Variants in DYNC1I1 observed in about 807,000 individuals in gnomAD.
The protein encoded by DYNC1I1 is dynein cytoplasmic 1 intermediate chain 1.
DYNC1I1 carries 43 observed loss-of-function variants against 86.6 expected under a neutral mutation model. That is an observed-to-expected ratio of 0.50 (90% confidence interval 0.39 to 0.64). DYNC1I1 has a LOEUF of 0.64. Among genes scored for constraint, DYNC1I1 ranks in the 30% least tolerant of loss-of-function variants. The pLI is 0.00. For synonymous variants in DYNC1I1, 262 were observed against 283.7 expected (o/e 0.92, Z 0.77); for missense variants, 604 against 788.8 (o/e 0.77, Z 2.81).
At chr7:95,862,929 T>C (rs1789925922) in intron 5 of DYNC1I1, among the ~76,000 whole-genome samples, 1 of 152,222 alleles carries the variant, frequency 6.6e-6, no homozygotes, top group Admixed American at 6.5e-5. Flanking sequence ...AATGTAAATG[T>C]TACATAAATT....
intron 4 of DYNC1I1, among the ~76,000 whole-genome samples, chr7:95,827,570 T>C (rs1795228199): frequency 6.6e-6 from 1 of 152,184 alleles, no homozygotes; most frequent in East Asian, 1.9e-4. Context: ...ATGCATTATA[T>C]TTGTAGTACC....
chr7:95,873,887 G>A (rs549606045), intron 6 of DYNC1I1, among the ~76,000 whole-genome samples: 2 of 152,324 alleles, frequency 1.3e-5, no homozygotes, highest in African/African-American at 4.8e-5. Flanking sequence ...TAAGTCACCT[G>A]GTGACACTAG....
chr7:96,066,135 T>C (rs1222530352), intron 14 of DYNC1I1, among the ~76,000 whole-genome samples: 1 of 152,216 alleles, frequency 6.6e-6, no homozygotes, highest in Non-Finnish European at 1.5e-5. Context: ...TCCTCAGAGT[T>C]CACTCAGGCT....
intron 6 of DYNC1I1, among the ~76,000 whole-genome samples, chr7:95,880,224 A>G (rs370742044): frequency 2.6e-5 from 4 of 152,140 alleles, no homozygotes; most frequent in African/African-American, 7.2e-5. Flanking sequence ...GTCCTCCCAC[A>G]TGGTAAGAGA....
Position 95,804,766 on chromosome 7 carries a change from C to A in DYNC1I1, c.37C>A (p.Arg13Ser). Residue 13 changes from arginine (R) to serine (S), a missense_variant, in exon 2 of 17, where the codon CGC becomes AGC. Coordinates refer to ENST00000447467, the MANE Select transcript of DYNC1I1 (RefSeq NM_001135556.2). ...DKSDLKAELERKKQRLAQIRE... is the reference protein window; with the variant it reads ...DKSDLKAELESKKQRLAQIRE... ...AAGTGACTTAAAAGCTGAGCTAGAG[C>A]GCAAAAAGCAGCGCTTAGCACAGAT... The A allele has an allele frequency of 6.2e-7, 1 of 1,600,104 alleles. No individual in the cohort carries two copies. The highest frequency in any genetic ancestry group is 8.5e-7 in the Non-Finnish European group (1 of 1,172,494).
intron 5 of DYNC1I1, 28 bp from the exon 6 acceptor site, chr7:95,869,855 C>T (rs1164569118): frequency 2.5e-6 from 4 of 1,596,116 alleles, no homozygotes; most frequent in East Asian, 4.5e-5. Flanking sequence ...CCTCCCCTCT[C>T]TAAGCATTTA....
chr7:95,984,810 T>C lies in DYNC1I1; in HGVS notation c.581-5T>C. The C allele has an allele frequency of 1.3e-6, 2 of 1,573,354 alleles. No homozygotes were observed. Among genetic ancestry groups the C allele is most frequent in the African/African-American group, 1.4e-5 (1 of 72,410 alleles). On this transcript the variant is annotated splice_region_variant and splice_polypyrimidine_tract_variant and intron_variant, in intron 7 of 16. Coordinates refer to ENST00000447467, the MANE Select transcript of DYNC1I1 (RefSeq NM_001135556.2). ...TCTCTTTTACAAAAAAATAAATAAA[T>C]AAAGCCCCTCCAAGAGAGTTGACAG...
At chr7:95,986,216 G>A (rs958267317) in intron 8 of DYNC1I1, among the ~76,000 whole-genome samples, 2 of 152,222 alleles carry the variant, frequency 1.3e-5, no homozygotes, top group African/African-American at 4.8e-5. Context: ...CAGGGCGCAA[G>A]CCAGCAGTTG....
chr7:95,785,412 TCAAA>T (rs755033672), intron 1 of DYNC1I1, among the ~76,000 whole-genome samples: 101 of 152,024 alleles, frequency 6.6e-4, no homozygotes, highest in Non-Finnish European at 1.3e-3. Flanking sequence ...AGACTCTATC[TCAAA>T]CAAACAAACA....
Position 96,097,598 on chromosome 7 carries a change from A to C in DYNC1I1, c.*5A>C, listed in dbSNP as rs1394519486. 3 of 1,613,412 alleles carry C rather than the reference A, an allele frequency of 1.9e-6. No homozygotes were observed. The highest frequency in any genetic ancestry group is 2.2e-5 in the South Asian group (2 of 91,040). ...ACTGTTGAGTTATCTGCCTAGTGGA[A>C]ATGAGCCACCCCCACTGCAGCCCCC... On this transcript the variant is annotated 3_prime_UTR_variant, in exon 17 of 17. Coordinates refer to ENST00000447467, the MANE Select transcript of DYNC1I1 (RefSeq NM_001135556.2).
At chr7:95,857,973 C>G (rs773245602) in intron 5 of DYNC1I1, among the ~76,000 whole-genome samples, 2 of 152,136 alleles carry the variant, frequency 1.3e-5, no homozygotes. Flanking sequence ...CATTGTGGTC[C>G]TGAGAGGGAT....
chr7:95,924,938 A>G (rs192560870), intron 6 of DYNC1I1, among the ~76,000 whole-genome samples: 72 of 152,246 alleles, frequency 4.7e-4, no homozygotes, highest in African/African-American at 1.7e-3. Context: ...AATCACACAG[A>G]CTCACCCAAG....
chr7:95,864,203 T>C (rs1236777714), intron 5 of DYNC1I1, among the ~76,000 whole-genome samples: 1 of 152,190 alleles, frequency 6.6e-6, no homozygotes, highest in Non-Finnish European at 1.5e-5. Context: ...TAGACAAAAG[T>C]GTCAATTGAA....
chr7:95,995,872 G>A lies in DYNC1I1; in HGVS notation c.844-76G>A, dbSNP rs541762176. 2.8e-5 allele frequency: 43 copies of A among 1,529,334 alleles called. 1 individual carries two copies. The highest frequency in any genetic ancestry group is 1.4e-4 in the African/African-American group (10 of 72,094). The allele number at this position is 1,529,334 out of a possible 1,614,324, so 94.7% of individuals were successfully genotyped here. A position where few individuals can be genotyped will look rare whatever the true frequency, so the allele number is the denominator to read the frequency against. ...CCATTTACACTGTGTAGTATACCAC[G>A]TGTATGTAGGAATAACAAAGTTTTC... On this transcript the variant is annotated intron_variant, in intron 9 of 16. Coordinates refer to ENST00000447467, the MANE Select transcript of DYNC1I1 (RefSeq NM_001135556.2).
At chr7:95,799,951 A>G (rs1794538256) in intron 1 of DYNC1I1, among the ~76,000 whole-genome samples, 1 of 151,630 alleles carries the variant, frequency 6.6e-6, no homozygotes, top group Non-Finnish European at 1.5e-5. Context: ...ATAGAAAAGG[A>G]AGAGGAGGAG....
intron 7 of DYNC1I1, among the ~76,000 whole-genome samples, chr7:95,982,716 T>A (rs889676109): frequency 6.6e-6 from 1 of 152,076 alleles, no homozygotes; most frequent in African/African-American, 2.4e-5. Flanking sequence ...GCCAAGTGAG[T>A]CTTTTTGAAT....
At chr7:95,797,125 T>C (rs946644858) in intron 1 of DYNC1I1, among the ~76,000 whole-genome samples, 30 of 152,118 alleles carry the variant, frequency 2.0e-4, no homozygotes, top group African/African-American at 7.0e-4. Context: ...GTGTGACAAA[T>C]GGGAACACGC....
chr7:95,977,681 C>T (rs1793343974), intron 7 of DYNC1I1, 80 bp downstream of exon 7: 24 of 1,335,670 alleles, frequency 1.8e-5, no homozygotes, highest in Non-Finnish European at 2.3e-5. Flanking sequence ...GACTATAGAG[C>T]TAAGTAAAAA....
chr7:95,840,975 G>A (rs1364422122), intron 5 of DYNC1I1, among the ~76,000 whole-genome samples: 1 of 152,210 alleles, frequency 6.6e-6, no homozygotes, highest in Non-Finnish European at 1.5e-5. Flanking sequence ...GCTGGGAACT[G>A]GAGTTTATCA....
Sources: gnomAD v4.1 joint callset for allele counts (sites outside exome capture counted in the v4.1 genomes callset) on GRCh38, gnomAD v4.1.1 for gene constraint, MANE v1.5 for transcripts, NCBI Gene and HGNC (gene_info 2026-07-23, HGNC 2026-07-21) for gene names.